DTNA: variants seen among roughly 807,000 people sequenced by gnomAD.
DTNA encodes the protein dystrophin-related protein 3.
A neutral mutation model predicts 100.7 loss-of-function variants in DTNA; 43 were observed. The observed-to-expected ratio is 0.43, with a 90% confidence interval of 0.33 to 0.55. The LOEUF is 0.55. Ranked by LOEUF, DTNA falls within the 20% of genes least tolerant of loss-of-function variation. The pLI is 0.04. For missense variants in DTNA, 798 were observed against 953.9 expected (o/e 0.84, Z 2.15); for synonymous variants, 349 against 347.9 (o/e 1.00, Z -0.04).
chr18:34,583,866 C>T (rs1017705140), intron 1 of DTNA, among the ~76,000 whole-genome samples: 6 of 152,140 alleles, frequency 3.9e-5, no homozygotes, highest in African/African-American at 1.4e-4. Context: ...CTACCCCTCT[C>T]TCACCCTGTA....
chr18:34,855,755 C>T (rs2096544747), intron 15 of DTNA, among the ~76,000 whole-genome samples: 1 of 152,210 alleles, frequency 6.6e-6, no homozygotes, highest in Admixed American at 6.5e-5. Context: ...AAAAGACTAA[C>T]AGAAATTCAC....
At chr18:34,496,524 C>G (rs1424980736) in intron 1 of DTNA, among the ~76,000 whole-genome samples, 2 of 152,104 alleles carry the variant, frequency 1.3e-5, no homozygotes, top group Non-Finnish European at 2.9e-5. Context: ...TGACCTTTTC[C>G]TTTCAAGTCC....
chr18:34,688,259 T>A (rs1468372530), intron 1 of DTNA, among the ~76,000 whole-genome samples: 3 of 152,222 alleles, frequency 2.0e-5, no homozygotes, highest in African/African-American at 7.2e-5. Flanking sequence ...CAATTTGGTT[T>A]ATTTTTGCAG....
chr18:34,723,598 C>G (rs947917686), intron 1 of DTNA, among the ~76,000 whole-genome samples: 2 of 151,872 alleles, frequency 1.3e-5, no homozygotes, highest in African/African-American at 2.4e-5. Context: ...ATGTTCACAA[C>G]TAAAAAAAGT....
intron 11 of DTNA, among the ~76,000 whole-genome samples, chr18:34,836,199 T>A (rs1452281630): frequency 1.3e-5 from 2 of 152,164 alleles, no homozygotes; most frequent in East Asian, 3.9e-4. Context: ...GTTTTGGTGG[T>A]ATAATGGTAC....
At chr18:34,655,881 T>C (rs2074296370) in intron 1 of DTNA, among the ~76,000 whole-genome samples, 1 of 152,212 alleles carries the variant, frequency 6.6e-6, no homozygotes, top group South Asian at 2.1e-4. Context: ...ATTGTTCATA[T>C]ATACAAAGAA....
chr18:34,675,277 C>T (rs2077265048), intron 1 of DTNA, among the ~76,000 whole-genome samples: 1 of 152,010 alleles, frequency 6.6e-6, no homozygotes, highest in Non-Finnish European at 1.5e-5. Context: ...CAAACATTGT[C>T]ATATGTCCCC....
intron 1 of DTNA, among the ~76,000 whole-genome samples, chr18:34,505,722 T>G (rs1056644376): frequency 3.9e-5 from 6 of 152,200 alleles, no homozygotes; most frequent in African/African-American, 1.2e-4. Context: ...AGTTTTATAT[T>G]TTTTTATTTA....
At position 34,794,174 on chromosome 18, in the gene DTNA, A is replaced by T. The variant is rs2094870629; in HGVS notation, c.286A>T (p.Met96Leu). ...TATTTTTTACCAGCTCAACAAACGG[A>T]TGCCAACCACTCACCAAATCCATGT... is the stretch of plus-strand genomic sequence containing the variant. ...STIFYQLNKR[M>L]PTTHQIHVEQ... Residue 96 changes from methionine to leucine, a missense_variant, in exon 4 of 23, where the codon ATG becomes TTG. Physicochemically the swap from Met to Leu is conservative, Grantham distance 15. This residue lies in a region of DTNA where 197 missense variants were observed against 215.4 expected (regional missense o/e 0.91). Coordinates refer to ENST00000444659, the MANE Select transcript of DTNA (RefSeq NM_001386795.1). 1 of 1,614,152 alleles carries T rather than the reference A, an allele frequency of 6.2e-7. No individual in the cohort carries two copies. Among genetic ancestry groups the T allele is most frequent in the South Asian group, 1.1e-5 (1 of 91,076 alleles).
At chr18:34,786,852 A>C (rs998527489) in intron 3 of DTNA, among the ~76,000 whole-genome samples, 3 of 152,196 alleles carry the variant, frequency 2.0e-5, no homozygotes, top group African/African-American at 7.2e-5. Flanking sequence ...AAACTGCATA[A>C]ATTAATTTAT....
intron 1 of DTNA, among the ~76,000 whole-genome samples, chr18:34,584,155 T>C (rs1322219370): frequency 6.6e-6 from 1 of 152,098 alleles, no homozygotes; most frequent in Non-Finnish European, 1.5e-5. Context: ...GGGGAAGAAA[T>C]CTTGCTAATC....
intron 17 of DTNA, chr18:34,868,039 A>G (rs2096725622): frequency 1.0e-6 from 1 of 976,504 alleles, no homozygotes; most frequent in African/African-American, 1.8e-5. Context: ...AACAAAAGAT[A>G]TAAACAGTGA....
At chr18:34,792,580 A>G (rs2094797098) in intron 3 of DTNA, among the ~76,000 whole-genome samples, 1 of 152,220 alleles carries the variant, frequency 6.6e-6, no homozygotes, top group African/African-American at 2.4e-5. Flanking sequence ...ATATTTCTCA[A>G]AAACGGAAAC....
At chr18:34,839,364 T>A (rs1411304836) in intron 13 of DTNA, among the ~76,000 whole-genome samples, 2 of 152,196 alleles carry the variant, frequency 1.3e-5, no homozygotes, top group Non-Finnish European at 2.9e-5. Context: ...CTGATGACCA[T>A]CCTGCTAAAG....
chr18:34,726,082 C>T (rs2086611989), intron 1 of DTNA, among the ~76,000 whole-genome samples: 1 of 152,086 alleles, frequency 6.6e-6, no homozygotes, highest in Non-Finnish European at 1.5e-5. Context: ...GAACGTCACA[C>T]ACCAGAGCCT....
rs150849509 is a variant in DTNA at position 34,558,336 on chromosome 18, G to C, written c.-2+64822G>C. On this transcript the variant is annotated intron_variant, in intron 1 of 19. Transcript: ENST00000283365. Reference sequence around the variant, plus strand: ...GCAGAAATCACCCGTCTTCTGCGTCGCTCACCCTGGGAGCTGTAGACTGGA... The same window carrying C: ...GCAGAAATCACCCGTCTTCTGCGTCCCTCACCCTGGGAGCTGTAGACTGGA... 1.1e-4 allele frequency among the ~76,000 whole-genome samples: 16 copies of C among 152,274 alleles called. No homozygotes were observed. The South Asian group carries it at 3.3e-3, about 32-fold the overall frequency.
intron 1 of DTNA, among the ~76,000 whole-genome samples, chr18:34,741,311 A>G (rs1186348087): frequency 6.6e-6 from 1 of 150,632 alleles, no homozygotes; most frequent in Non-Finnish European, 1.5e-5. Context: ...CCTCCCATTC[A>G]GGCAGTCCTT....
chr18:34,561,459 CTCTTCTAAGTT>C (rs2046629500), intron 1 of DTNA, among the ~76,000 whole-genome samples: 1 of 151,974 alleles, frequency 6.6e-6, no homozygotes, highest in Non-Finnish European at 1.5e-5. Context: ...ACTTGTTTAA[CTCTTCTAAGTT>C]ATATATTTGA....
intron 2 of DTNA, chr18:34,757,256 T>G (rs1363797781): frequency 6.6e-6 from 1 of 152,238 alleles, no homozygotes. Flanking sequence ...GTGACCTTTG[T>G]GCAGTTACAA....
Sources: gnomAD v4.1 joint callset for allele counts (sites outside exome capture counted in the v4.1 genomes callset) on GRCh38, gnomAD v4.1.1 for gene constraint, gnomAD v4.1.1 regional missense constraint, MANE v1.5 for transcripts, NCBI Gene and HGNC (gene_info 2026-07-23, HGNC 2026-07-21) for gene names.